Variants in TMEM132C observed in about 807,000 individuals in gnomAD.
TMEM132C encodes transmembrane protein 132C, also known as protein phosphatase 1, regulatory subunit 152.
A neutral mutation model predicts 61.4 loss-of-function variants in TMEM132C; 29 were observed. The ratio of observed to expected loss-of-function variants is 0.47; its 90% CI spans 0.35 to 0.64. The LOEUF (loss-of-function observed/expected upper bound fraction) is 0.64, where lower values mean the gene tolerates loss of function less well. Ranked by LOEUF, TMEM132C falls within the 30% of genes least tolerant of loss-of-function variation. The pLI is 0.00. For missense variants in TMEM132C, 1,408 were observed against 1,476.9 expected, an observed-to-expected ratio of 0.95 and a Z score of 0.76; for synonymous variants, 656 against 633.1, an observed-to-expected ratio of 1.04 and a Z score of -0.54.
At chr12:128,483,321 A>AGGAGG (rs372205552) in intron 2 of TMEM132C, among the ~76,000 whole-genome samples, 1 of 63,800 alleles carries the variant, frequency 1.6e-5, no homozygotes, top group Non-Finnish European at 3.2e-5. Flanking sequence ...AGGGGAGAGG[A>AGGAGG]GGGGAGGGTG....
chr12:128,532,090 T>C (rs1302586978), intron 2 of TMEM132C, among the ~76,000 whole-genome samples: 1 of 152,270 alleles, frequency 6.6e-6, no homozygotes, highest in East Asian at 1.9e-4. Context: ...AAGTGTATTT[T>C]AAATTGTGCA....
chr12:128,315,810 G>A (rs541367050), intron 1 of TMEM132C, among the ~76,000 whole-genome samples: 56 of 152,050 alleles, frequency 3.7e-4, no homozygotes, highest in Admixed American at 1.4e-3. Flanking sequence ...GACAGGAGGA[G>A]AAGGCCACGC....
chr12:128,668,000 C>T (rs975581009), intron 4 of TMEM132C, among the ~76,000 whole-genome samples: 4 of 152,178 alleles, frequency 2.6e-5, no homozygotes, highest in African/African-American at 4.8e-5. Context: ...GTGCCAAGCA[C>T]GGTGGCCCAT....
rs183851102 is a variant in TMEM132C, at chr12:128,632,945, G to A, written c.1305+16610G>A. On this transcript the variant is annotated intron_variant, in intron 4 of 8. Transcript: ENST00000435159. ...TTCTAATAGTGCTGTAGTAATTATCGATTGGTGCATAACAATTTTCCCTGA... is the reference window on the plus strand; with the variant it reads ...TTCTAATAGTGCTGTAGTAATTATCAATTGGTGCATAACAATTTTCCCTGA... Among the ~76,000 whole-genome samples, 963 of 152,264 alleles carry A rather than the reference G, an allele frequency of 6.3e-3. 12 individuals carry two copies. Among genetic ancestry groups the A allele is most frequent in the African/African-American group, 0.022 (909 of 41,540 alleles).
intron 2 of TMEM132C, among the ~76,000 whole-genome samples, chr12:128,513,721 C>A (rs906542019): frequency 1.3e-5 from 2 of 152,168 alleles, no homozygotes; most frequent in Non-Finnish European, 2.9e-5. Context: ...AGAGAGATTT[C>A]TTTTTACTGA....
intron 1 of TMEM132C, among the ~76,000 whole-genome samples, chr12:128,409,669 T>C (rs1430296032): frequency 6.6e-5 from 10 of 152,154 alleles, no homozygotes; most frequent in Admixed American, 6.5e-4. Context: ...GTGAGCAGTC[T>C]GCGATGTCGG....
intron 4 of TMEM132C, among the ~76,000 whole-genome samples, chr12:128,623,613 C>T (rs1953987901): frequency 1.3e-5 from 2 of 151,816 alleles, no homozygotes; most frequent in South Asian, 4.2e-4. Flanking sequence ...TCGAAACCAG[C>T]CTGGGCAACA....
intron 1 of TMEM132C, among the ~76,000 whole-genome samples, chr12:128,413,916 T>G (rs1027522031): frequency 6.6e-6 from 1 of 152,240 alleles, no homozygotes; most frequent in African/African-American, 2.4e-5. Context: ...ATTGTGAAGC[T>G]CTTCCTAAAC....
At chr12:128,634,874 T>C (rs1468080466) in intron 4 of TMEM132C, among the ~76,000 whole-genome samples, 2 of 152,242 alleles carry the variant, frequency 1.3e-5, no homozygotes, top group Non-Finnish European at 2.9e-5. Context: ...AGATTCATGG[T>C]ATCCCTTTTA....
In TMEM132C at chr12:128,697,428, A is replaced by G. The variant is rs776968021; in HGVS notation, c.2121+13A>G. ...GACCCCCAAACAGGTAGGGGGCCAA[A>G]TGCCAGAGGTTCAGAGGGAGCAGGG... On this transcript the variant is annotated intron_variant, in intron 8 of 8. Coordinates refer to ENST00000435159, the MANE Select transcript of TMEM132C (RefSeq NM_001136103.3). The G allele has an allele frequency of 7.2e-6, 11 of 1,524,396 alleles. No homozygotes were observed. The South Asian group carries it at 1.3e-4, about 19-fold the overall frequency. The allele number at this position is 1,524,396 out of a possible 1,614,324, so 94.4% of individuals were successfully genotyped here. A position where few individuals can be genotyped will look rare whatever the true frequency, so the allele number is the denominator to read the frequency against.
At chr12:128,424,230 T>TC (rs1364472942) in intron 2 of TMEM132C, among the ~76,000 whole-genome samples, 3 of 152,080 alleles carry the variant, frequency 2.0e-5, no homozygotes, top group Non-Finnish European at 4.4e-5. Context: ...GATGTGAGTC[T>TC]CCTACTTATG....
intron 2 of TMEM132C, among the ~76,000 whole-genome samples, chr12:128,486,871 A>T (rs1400873803): frequency 2.3e-5 from 3 of 132,318 alleles, no homozygotes; most frequent in African/African-American, 8.5e-5. Flanking sequence ...ACATGTGTGC[A>T]TGCAAACACA....
Position 128,638,980 on chromosome 12 carries a change from A to G in TMEM132C, c.1305+22645A>G, listed in dbSNP as rs1366339381. Among the ~76,000 whole-genome samples the G allele has an allele frequency of 1.6e-3, 179 of 114,776 alleles. 2 individuals carry two copies. Among genetic ancestry groups the G allele is most frequent in the African/African-American group, 5.5e-3 (169 of 30,688 alleles). The allele number at this position is 114,776 out of a possible 152,430, so 75.3% of individuals were successfully genotyped here. On this transcript the variant is annotated intron_variant, in intron 4 of 8. Coordinates refer to ENST00000435159, the MANE Select transcript of TMEM132C (RefSeq NM_001136103.3). The stretch of plus-strand genomic sequence containing the variant: ...GATGGTGATGGTGGTGATGGTGATG[A>G]TGGTGGTGATGGTGATGGTGGTGAT...
At chr12:128,434,781 A>G (rs12317767) in intron 2 of TMEM132C, among the ~76,000 whole-genome samples, 1 of 150,608 alleles carries the variant, frequency 6.6e-6, no homozygotes. Context: ...TTTTTTTTAA[A>G]TTTTTTATTT....
intron 1 of TMEM132C, among the ~76,000 whole-genome samples, chr12:128,268,146 T>A (rs1047373409): frequency 6.6e-6 from 1 of 152,040 alleles, no homozygotes; most frequent in East Asian, 1.9e-4. Context: ...GGTGGGTGCG[T>A]CCCTCGCGAC....
chr12:128,586,015 G>C, intron 3 of TMEM132C, among the ~76,000 whole-genome samples: 1 of 152,242 alleles, frequency 6.6e-6, no homozygotes, highest in East Asian at 1.9e-4. Context: ...GCTGAGGACT[G>C]TACCCCTAAA....
chr12:128,338,778 T>TATATA (rs1565905372), intron 1 of TMEM132C, among the ~76,000 whole-genome samples: 2 of 129,432 alleles, frequency 1.5e-5, no homozygotes, highest in Non-Finnish European at 3.0e-5. Context: ...ATATATATAT[T>TATATA]TTGCACAAAG....
intron 2 of TMEM132C, among the ~76,000 whole-genome samples, chr12:128,436,116 A>T (rs1410650378): frequency 6.6e-6 from 1 of 152,118 alleles, no homozygotes; most frequent in Non-Finnish European, 1.5e-5. Context: ...CTGAAACTGG[A>T]TCCCTTCCTT....
chr12:128,527,201 C>A (rs546579319), intron 2 of TMEM132C, among the ~76,000 whole-genome samples: 1 of 152,270 alleles, frequency 6.6e-6, no homozygotes, highest in African/African-American at 2.4e-5. Context: ...CAGAATTGCA[C>A]CCCAACATGA....
Sources: allele counts gnomAD v4.1 joint callset (sites outside exome capture counted in the v4.1 genomes callset), GRCh38; gene constraint gnomAD v4.1.1; transcripts MANE v1.5; gene names NCBI Gene and HGNC (gene_info 2026-07-23, HGNC 2026-07-21).